Variants in TBC1D5 observed in about 807,000 individuals in gnomAD.
TBC1D5 encodes TBC1 domain family, member 5.
TBC1D5 carries 75 observed loss-of-function variants against 100.3 expected under a neutral mutation model. That is an observed-to-expected ratio of 0.75 (90% confidence interval 0.62 to 0.91). The LOEUF (loss-of-function observed/expected upper bound fraction) is 0.91, where lower values mean the gene tolerates loss of function less well. Among genes scored for constraint, TBC1D5 ranks in the 40% least tolerant of loss-of-function variants. The pLI is 0.00. For synonymous variants in TBC1D5, 323 were observed against 325.6 expected (o/e 0.99, Z 0.09); for missense variants, 910 against 942.4 (o/e 0.97, Z 0.45).
chr3:17,485,055 G>A (rs983530344), intron 3 of TBC1D5, among the ~76,000 whole-genome samples: 1 of 151,964 alleles, frequency 6.6e-6, no homozygotes, highest in African/African-American at 2.4e-5. Context: ...AATCAGCACT[G>A]AGCAATTTTG....
At chr3:17,675,278 T>A (rs1238800065) in intron 1 of TBC1D5, among the ~76,000 whole-genome samples, 1 of 152,126 alleles carries the variant, frequency 6.6e-6, no homozygotes, top group African/African-American at 2.4e-5. Context: ...CAAGTATCAA[T>A]CCTTTCTGTC....
At chr3:17,450,127 T>C (rs908743945) in intron 3 of TBC1D5, among the ~76,000 whole-genome samples, 2 of 152,092 alleles carry the variant, frequency 1.3e-5, no homozygotes, top group African/African-American at 2.4e-5. Context: ...TCCAGCAGAA[T>C]TGCAGAAGAG....
At chr3:17,374,874 C>T (rs971568133) in intron 10 of TBC1D5, among the ~76,000 whole-genome samples, 195 bp from the exon 11 acceptor site, 6 of 152,072 alleles carry the variant, frequency 3.9e-5, no homozygotes, top group Non-Finnish European at 7.4e-5. Context: ...AATTAGCTGC[C>T]TTGTCTATGC....
At chr3:17,518,669 A>G (rs1472184175) in intron 2 of TBC1D5, among the ~76,000 whole-genome samples, 2 of 152,252 alleles carry the variant, frequency 1.3e-5, no homozygotes, top group Non-Finnish European at 2.9e-5. Context: ...AGGCTGTCAC[A>G]CTGATTCTTT....
intron 1 of TBC1D5, among the ~76,000 whole-genome samples, chr3:17,716,884 A>T (rs1381838919): frequency 6.6e-6 from 1 of 152,202 alleles, no homozygotes; most frequent in Non-Finnish European, 1.5e-5. Flanking sequence ...TCAAAGAAAA[A>T]TAATATTCCC....
At chr3:17,437,323 C>T (rs1367274975) in intron 3 of TBC1D5, among the ~76,000 whole-genome samples, 1 of 152,132 alleles carries the variant, frequency 6.6e-6, no homozygotes, top group East Asian at 1.9e-4. Context: ...CATAATAACA[C>T]ACAAATCCAA....
At chr3:17,624,172 C>T (rs191520849) in intron 1 of TBC1D5, among the ~76,000 whole-genome samples, 31 of 152,294 alleles carry the variant, frequency 2.0e-4, no homozygotes, top group Non-Finnish European at 1.5e-4. Flanking sequence ...TACAAAATTA[C>T]ACACGACATA....
At chr3:17,388,685 CAAAAA>C (rs60539576) in intron 8 of TBC1D5, among the ~76,000 whole-genome samples, 6 of 108,000 alleles carry the variant, frequency 5.6e-5, no homozygotes, top group Admixed American at 1.0e-4. Context: ...CCTGCCTTTA[CAAAAA>C]AAAAAAAAAA....
At chr3:17,222,847 T>C (rs1036460098) in intron 17 of TBC1D5, among the ~76,000 whole-genome samples, 43 of 152,072 alleles carry the variant, frequency 2.8e-4, no homozygotes, top group Admixed American at 2.0e-3. Context: ...CTCTCAACAT[T>C]TGACATTACA....
chr3:17,376,913 G>T (rs1003462087), intron 9 of TBC1D5, among the ~76,000 whole-genome samples: 1 of 152,040 alleles, frequency 6.6e-6, no homozygotes. Context: ...GTTGCTTCAA[G>T]ATCTGTACTC....
At chr3:17,286,078 C>T (rs538576340) in intron 15 of TBC1D5, among the ~76,000 whole-genome samples, 1 of 152,284 alleles carries the variant, frequency 6.6e-6, no homozygotes, top group East Asian at 1.9e-4. Context: ...ATTCTTACTG[C>T]ATAATCTAAA....
rs536541019 is a variant in TBC1D5 at position 17,473,385 on chromosome 3, A to G, written c.97+35089T>C. Among the ~76,000 whole-genome samples, 11 of 152,364 alleles carry G rather than the reference A, an allele frequency of 7.2e-5. No homozygotes were observed. The East Asian group carries it at 1.2e-3, about 16-fold the overall frequency. ...TGTGACTTTGATAGGAGATTAAAAT[A>G]ACTTAGCACATTAATGTAAACATGA... is the stretch of plus-strand genomic sequence containing the variant. On this transcript the variant is annotated intron_variant, in intron 3 of 21. Transcript: ENST00000253692.
At chr3:17,437,638 GA>G in intron 3 of TBC1D5, among the ~76,000 whole-genome samples, 1 of 138,704 alleles carries the variant, frequency 7.2e-6, no homozygotes, top group South Asian at 2.6e-4. Context: ...GAGAGAGAGA[GA>G]GAGAGGAAGG....
chr3:17,614,063 T>C (rs1298265950), intron 2 of TBC1D5, among the ~76,000 whole-genome samples: 1 of 152,232 alleles, frequency 6.6e-6, no homozygotes, highest in African/African-American at 2.4e-5. Context: ...AACTTTTGTG[T>C]AAGGGGTAAG....
At chr3:17,318,745 C>A (rs2085008618) in intron 13 of TBC1D5, among the ~76,000 whole-genome samples, 1 of 152,126 alleles carries the variant, frequency 6.6e-6, no homozygotes, top group Admixed American at 6.5e-5. Context: ...TTTTTAAAAT[C>A]GCCTCTCCAC....
intron 13 of TBC1D5, among the ~76,000 whole-genome samples, chr3:17,363,051 A>T: frequency 6.6e-6 from 1 of 151,792 alleles, no homozygotes; most frequent in Admixed American, 6.6e-5. Flanking sequence ...AACTCATTTC[A>T]TTTATTTTCT....
chr3:17,318,021 C>T lies in TBC1D5; in HGVS notation c.996-9887G>A, dbSNP rs536129267. On this transcript the variant is annotated intron_variant, in intron 13 of 21. Coordinates refer to ENST00000253692, the Ensembl canonical transcript of TBC1D5. ...GACTGGATTAAGAAAATGTGGCACA[C>T]ATACACCATGGAATACTATGCAGCC... Among the ~76,000 whole-genome samples, 515 of 152,146 alleles carry T rather than the reference C, an allele frequency of 3.4e-3. 4 individuals are homozygous for T. Among genetic ancestry groups the T allele is most frequent in the African/African-American group, 0.011 (465 of 41,486 alleles).
intron 13 of TBC1D5, chr3:17,333,340 T>C (rs2087158875): frequency 6.6e-6 from 1 of 152,422 alleles, no homozygotes; most frequent in African/African-American, 2.4e-5. Flanking sequence ...CCCTTGAACC[T>C]CTGCAGAAAC....
intron 1 of TBC1D5, among the ~76,000 whole-genome samples, chr3:17,695,033 C>T (rs2071788844): frequency 6.6e-6 from 1 of 152,104 alleles, no homozygotes; most frequent in Non-Finnish European, 1.5e-5. Context: ...ATCCTTTACA[C>T]ACAAGCAAAT....
Sources: gnomAD v4.1 joint callset for allele counts (sites outside exome capture counted in the v4.1 genomes callset) on GRCh38, gnomAD v4.1.1 for gene constraint, MANE v1.5 for transcripts, NCBI Gene and HGNC (gene_info 2026-07-23, HGNC 2026-07-21) for gene names.